Variants in TJP1 observed in about 807,000 individuals in gnomAD.
The protein encoded by TJP1 is tight junction protein 1, also known as tight junction protein ZO-1.
Under a neutral mutation model 194.2 loss-of-function variants are expected in TJP1, and 43 were observed. The observed-to-expected ratio is 0.22, with a 90% CI of 0.17 to 0.29. The LOEUF is 0.29. TJP1 is among the 10% of genes least tolerant of loss of function. The probability of loss-of-function intolerance (pLI) is 1.00; values close to 1 mark genes in which losing one functional copy is unlikely to be tolerated. For missense variants in TJP1, 1,971 were observed against 2,185.7 expected (o/e 0.90, Z 1.96); for synonymous variants, 801 against 779.0 (o/e 1.03, Z -0.47).
At chr15:29,748,829 T>A (rs1288887708) in intron 8 of TJP1, among the ~76,000 whole-genome samples, 2 of 152,002 alleles carry the variant, frequency 1.3e-5, no homozygotes, top group Non-Finnish European at 2.9e-5. Flanking sequence ...CTACTTCGGC[T>A]TCCAAAAGTG....
chr15:29,874,338 G>A (rs931554258), intron 2 of TJP1, among the ~76,000 whole-genome samples: 3 of 152,096 alleles, frequency 2.0e-5, no homozygotes, highest in African/African-American at 4.8e-5. Flanking sequence ...GTGGGCTGTC[G>A]GAGTCAATCA....
chr15:29,741,996 G>C (rs2044451781), intron 9 of TJP1, among the ~76,000 whole-genome samples: 1 of 152,154 alleles, frequency 6.6e-6, no homozygotes. Context: ...GCTGAGGTGG[G>C]AGGACTGTTT....
At chr15:29,751,069 T>C (rs1007269565) in intron 8 of TJP1, among the ~76,000 whole-genome samples, 1 of 152,330 alleles carries the variant, frequency 6.6e-6, no homozygotes, top group East Asian at 1.9e-4. Context: ...TCTGATTTTA[T>C]ATGGAAACAA....
chr15:29,751,531 T>A (rs1442180483), intron 8 of TJP1, among the ~76,000 whole-genome samples: 1 of 152,248 alleles, frequency 6.6e-6, no homozygotes, highest in Non-Finnish European at 1.5e-5. Context: ...GTAATTTTCA[T>A]GGATATGGAC....
chr15:29,822,462 C>G lies in TJP1; in HGVS notation c.-434G>C, dbSNP rs887688854. On this transcript the variant is annotated 5_prime_UTR_variant, in exon 1 of 28. Coordinates refer to ENST00000614355, the MANE Select transcript of TJP1 (RefSeq NM_001330239.4). ...GGCTCAGCCGGCGCCGGCAACTCAG[C>G]GGCCACGCAAACCTGCCGGCCCGGC... 33 of 985,938 alleles carry G rather than the reference C, an allele frequency of 3.3e-5. No individual in the cohort carries two copies. Among genetic ancestry groups the G allele is most frequent in the Non-Finnish European group, 3.9e-5 (32 of 830,426 alleles). The allele number at this position is 985,938 out of a possible 1,614,324, so 61.1% of individuals were successfully genotyped here.
chr15:29,748,564 C>CTT (rs61364565), intron 8 of TJP1, among the ~76,000 whole-genome samples: 1,649 of 73,378 alleles, frequency 0.022, 146 homozygotes, highest in African/African-American at 0.046. Flanking sequence ...CTTCCTAATT[C>CTT]TTTTTTTTTT....
At chr15:29,827,804 G>A (rs868426862) in intron 2 of TJP1, among the ~76,000 whole-genome samples, 1 of 152,038 alleles carries the variant, frequency 6.6e-6, no homozygotes, top group Admixed American at 6.6e-5. Context: ...TTGAAACAAA[G>A]GGCCCCTAGA....
At chr15:29,869,011 G>A (rs1253945026) in intron 2 of TJP1, among the ~76,000 whole-genome samples, 3 of 151,980 alleles carry the variant, frequency 2.0e-5, no homozygotes, top group Non-Finnish European at 2.9e-5. Flanking sequence ...TACAATAAAG[G>A]TATATTATAT....
At chr15:29,888,497 T>A (rs557481581) in intron 2 of TJP1, among the ~76,000 whole-genome samples, 2 of 152,172 alleles carry the variant, frequency 1.3e-5, no homozygotes, top group Admixed American at 1.3e-4. Flanking sequence ...CATCCTAAAG[T>A]TCCAATTTTT....
At chr15:29,955,818 G>A (rs2055920352) in intron 2 of TJP1, among the ~76,000 whole-genome samples, 1 of 147,562 alleles carries the variant, frequency 6.8e-6, no homozygotes, top group Admixed American at 6.9e-5. Flanking sequence ...AACTGAATTG[G>A]GATCCGTACT....
chr15:29,923,108 G>C (rs192268989), intron 2 of TJP1, among the ~76,000 whole-genome samples: 72 of 152,186 alleles, frequency 4.7e-4, no homozygotes, highest in Admixed American at 1.2e-3. Context: ...AGGCAGAGTG[G>C]CACTCTGTGT....
intron 2 of TJP1, among the ~76,000 whole-genome samples, chr15:29,851,993 A>G (rs942395413): frequency 6.6e-6 from 1 of 152,246 alleles, no homozygotes; most frequent in Non-Finnish European, 1.5e-5. Context: ...AAAATGTATG[A>G]CACTTAAGTA....
At chr15:29,786,341 T>G (rs1194185336) in intron 2 of TJP1, among the ~76,000 whole-genome samples, 1 of 152,186 alleles carries the variant, frequency 6.6e-6, no homozygotes, top group Non-Finnish European at 1.5e-5. Context: ...TCATTTTCTC[T>G]ATAAAATTAG....
intron 2 of TJP1, among the ~76,000 whole-genome samples, chr15:29,937,844 C>T (rs1001038626): frequency 9.9e-5 from 15 of 152,278 alleles, no homozygotes; most frequent in Middle Eastern, 6.8e-3. Context: ...GCAAGCATTT[C>T]CCATCCACTA....
intron 8 of TJP1, among the ~76,000 whole-genome samples, chr15:29,746,065 AATG>A (rs2151385718): frequency 6.6e-6 from 1 of 152,342 alleles, no homozygotes; most frequent in African/African-American, 2.4e-5. Flanking sequence ...AATGAAATAG[AATG>A]ATATGTACAG....
In TJP1 at chr15:29,822,108, G is replaced by A; in HGVS notation, c.-80C>T. On this transcript the variant is annotated 5_prime_UTR_variant, in exon 1 of 28. Coordinates refer to ENST00000614355, the MANE Select transcript of TJP1 (RefSeq NM_001330239.4). ...TGGCCCGCCCGCTCCTCACGCCACA[G>A]CCCAAATAAACATCTCCCGAGAGCG... 5 of 1,228,230 alleles carry A rather than the reference G, an allele frequency of 4.1e-6. No homozygotes were observed. The highest frequency in any genetic ancestry group is 7.0e-5 in the South Asian group (2 of 28,392). 76.1% of individuals were successfully genotyped at this position (1,228,230 alleles called of 1,614,324 possible). A position where few individuals can be genotyped will look rare whatever the true frequency, so the allele number is the denominator to read the frequency against.
intron 2 of TJP1, among the ~76,000 whole-genome samples, chr15:29,875,237 C>A (rs1205817731): frequency 1.1e-4 from 16 of 152,232 alleles, no homozygotes; most frequent in Non-Finnish European, 1.9e-4. Context: ...TATGATAAGG[C>A]ACTGTGGCCA....
chr15:29,855,908 C>T (rs927942227), intron 2 of TJP1, among the ~76,000 whole-genome samples: 3 of 151,830 alleles, frequency 2.0e-5, no homozygotes, highest in East Asian at 1.9e-4. Flanking sequence ...AGTGATGACA[C>T]GGTCTGCTAA....
At chr15:29,852,224 A>G (rs1431902868) in intron 2 of TJP1, among the ~76,000 whole-genome samples, 1 of 152,252 alleles carries the variant, frequency 6.6e-6, no homozygotes, top group East Asian at 1.9e-4. Flanking sequence ...TAAACCACAT[A>G]TCTGACAAAG....
Sources: allele counts gnomAD v4.1 joint callset (sites outside exome capture counted in the v4.1 genomes callset), GRCh38; gene constraint gnomAD v4.1.1; transcripts MANE v1.5; gene names NCBI Gene and HGNC (gene_info 2026-07-23, HGNC 2026-07-21).